CNGA1: variants seen among roughly 807,000 people sequenced by gnomAD.
CNGA1 encodes the protein cyclic nucleotide gated channel subunit alpha 1.
In CNGA1, 53 loss-of-function variants were observed where a neutral mutation model predicts 69.7. That is an observed-to-expected ratio of 0.76 (90% CI 0.61 to 0.96). The LOEUF is 0.96. CNGA1 is among the 40% of genes least tolerant of loss of function. The pLI is 0.00. For missense variants in CNGA1, 739 were observed against 811.2 expected, an observed-to-expected ratio of 0.91 and a Z score of 1.08; for synonymous variants, 249 against 283.5, an observed-to-expected ratio of 0.88 and a Z score of 1.22.
At chr4:47,979,974 T>A (rs1300754116) in intron 3 of CNGA1, among the ~76,000 whole-genome samples, 5 of 152,242 alleles carry the variant, frequency 3.3e-5, no homozygotes, top group Non-Finnish European at 5.9e-5. Context: ...TAACTTTGAC[T>A]GTGGCCTGTA....
intron 3 of CNGA1, among the ~76,000 whole-genome samples, chr4:47,956,116 T>C (rs1295305810): frequency 2.0e-5 from 3 of 152,236 alleles, no homozygotes; most frequent in South Asian, 2.1e-4. Context: ...AGATTCTGGA[T>C]GGCATTTGCG....
chr4:47,981,189 G>C (rs1018546847), intron 3 of CNGA1, among the ~76,000 whole-genome samples: 1 of 152,156 alleles, frequency 6.6e-6, no homozygotes, highest in East Asian at 1.9e-4. Flanking sequence ...GTGATATTCA[G>C]ATTAGCAGAA....
At position 48,016,649 on chromosome 4, in the gene CNGA1, A is replaced by G. The variant is rs960022548; in HGVS notation, c.-389T>C. 6 of 558,472 alleles carry G rather than the reference A, an allele frequency of 1.1e-5. No individual in the cohort carries two copies. Among genetic ancestry groups the G allele is most frequent in the African/African-American group, 1.0e-4 (5 of 49,354 alleles). 34.6% of individuals were successfully genotyped at this position (558,472 alleles called of 1,614,324 possible). A position where few individuals can be genotyped will look rare whatever the true frequency, so the allele number is the denominator to read the frequency against. On this transcript the variant is annotated 5_prime_UTR_variant, in exon 1 of 11. Transcript: ENST00000514170. ...CCTGCGGGGGCCCTGAGAATTCGCA[A>G]CAAGCCCCGGGCAGCAGGGCTCGGC...
chr4:47,953,679 C>A (rs924988202), intron 3 of CNGA1, among the ~76,000 whole-genome samples: 1 of 152,208 alleles, frequency 6.6e-6, no homozygotes, highest in Non-Finnish European at 1.5e-5. Context: ...GCTCCCAGCA[C>A]AGGCCATGCC....
chr4:47,969,094 A>T (rs1332422174), intron 3 of CNGA1, among the ~76,000 whole-genome samples: 3 of 152,158 alleles, frequency 2.0e-5, no homozygotes, highest in Non-Finnish European at 1.5e-5. Context: ...TGTGTAAGGT[A>T]AAGTGGATTA....
intron 3 of CNGA1, among the ~76,000 whole-genome samples, chr4:47,976,696 T>C (rs1485125138): frequency 1.3e-5 from 2 of 152,182 alleles, no homozygotes; most frequent in African/African-American, 2.4e-5. Context: ...TTGCAAACAA[T>C]TTACAGATAG....
chr4:47,962,177 C>T (rs1419841537), intron 3 of CNGA1, among the ~76,000 whole-genome samples: 4 of 152,020 alleles, frequency 2.6e-5, no homozygotes, highest in Admixed American at 2.6e-4. Context: ...AACCCTGTCT[C>T]TACTAAAAAT....
chr4:47,993,740 T>C (rs529925570), intron 2 of CNGA1, among the ~76,000 whole-genome samples: 2 of 152,244 alleles, frequency 1.3e-5, no homozygotes, highest in East Asian at 3.9e-4. Flanking sequence ...TTTGGTTTTT[T>C]TCTTGTTTCT....
intron 3 of CNGA1, among the ~76,000 whole-genome samples, chr4:47,978,341 T>G (rs1298823617): frequency 6.6e-6 from 1 of 152,206 alleles, no homozygotes; most frequent in Non-Finnish European, 1.5e-5. Context: ...AAGGGATGTC[T>G]TCTCATTTAC....
At chr4:48,005,466 AAAT>A (rs1211985368) in intron 2 of CNGA1, among the ~76,000 whole-genome samples, 1 of 152,178 alleles carries the variant, frequency 6.6e-6, no homozygotes, top group Non-Finnish European at 1.5e-5. Context: ...AGTGCAACAA[AAAT>A]AATTTTTTTA....
intron 3 of CNGA1, among the ~76,000 whole-genome samples, chr4:47,979,127 C>G (rs1444268565): frequency 6.6e-6 from 1 of 151,960 alleles, no homozygotes; most frequent in Non-Finnish European, 1.5e-5. Flanking sequence ...TTGAGACCAG[C>G]CTGGGCAACA....
chr4:47,981,955 T>C (rs1194075800), intron 2 of CNGA1, among the ~76,000 whole-genome samples: 1 of 152,214 alleles, frequency 6.6e-6, no homozygotes, highest in Non-Finnish European at 1.5e-5. Context: ...CATTAGTCAT[T>C]GATCTTTTAA....
At position 47,943,400 on chromosome 4, in the gene CNGA1, T is replaced by C. The variant is rs76061451; in HGVS notation, c.300A>G (p.Glu100=). The stretch of plus-strand genomic sequence containing the variant: ...TCTTTTCTTTTTTCTTTTTCTTTTT[T>C]TCTTCTGGTTCCCTAAAGAAAAAAA... The part of the protein sequence containing the change: ...NSSNKDQEPE[E]KKKKKKEKKS... Residue 100 remains glutamate, a synonymous_variant, in exon 7 of 11, where the codon GAA becomes GAG. Transcript: ENST00000514170. 24,043 of 1,493,880 alleles carry C rather than the reference T, an allele frequency of 0.016. 232 individuals are homozygous for C. The highest frequency in any genetic ancestry group is 0.028 in the Middle Eastern group (144 of 5,102). The allele number at this position is 1,493,880 out of a possible 1,614,324, so 92.5% of individuals were successfully genotyped here.
intron 2 of CNGA1, among the ~76,000 whole-genome samples, chr4:47,984,704 A>AAT (rs765391486): frequency 6.7e-6 from 1 of 149,608 alleles, no homozygotes; most frequent in African/African-American, 2.5e-5. Context: ...ATATATATAT[A>AAT]ATATATATAA....
chr4:47,994,174 T>C (rs922073044), intron 2 of CNGA1, among the ~76,000 whole-genome samples: 7 of 152,194 alleles, frequency 4.6e-5, no homozygotes, highest in Admixed American at 3.9e-4. Flanking sequence ...GAATGTTCTG[T>C]ATATATCTGT....
At chr4:48,015,213 C>T (rs116315990) in intron 1 of CNGA1, among the ~76,000 whole-genome samples, 2 of 150,548 alleles carry the variant, frequency 1.3e-5, no homozygotes, top group African/African-American at 4.9e-5. Context: ...AACAAACAAG[C>T]AAACAAAAAG....
intron 2 of CNGA1, among the ~76,000 whole-genome samples, chr4:47,987,454 T>G (rs1353107793): frequency 6.6e-6 from 1 of 152,174 alleles, no homozygotes; most frequent in Admixed American, 6.5e-5. Flanking sequence ...GTAAATGTCA[T>G]GAGATCAGGA....
chr4:47,986,751 A>G (rs1741994527), intron 2 of CNGA1, among the ~76,000 whole-genome samples: 1 of 152,136 alleles, frequency 6.6e-6, no homozygotes, highest in South Asian at 2.1e-4. Context: ...AAATAAAAAA[A>G]AGAGAGAGAG....
rs1464937344 is a variant in CNGA1, at chr4:47,936,940, A to G, written c.1542T>C (p.Ile514=). ...CCACAGCGAGTTTGCCTTCCTTGAT[A>G]ATGTACATCTCTCGTCCGATATCCC... is the stretch of plus-strand genomic sequence containing the variant. ...KKGDIGREMY[I]IKEGKLAVVA... Residue 514 remains isoleucine, a synonymous_variant, in exon 11 of 11, where the codon ATT becomes ATC. Transcript: ENST00000514170. 5 of 1,613,980 alleles carry G rather than the reference A, an allele frequency of 3.1e-6. No individual in the cohort carries two copies. The African/African-American group carries it at 4.0e-5, about 13-fold the overall frequency.
Sources: allele counts gnomAD v4.1 joint callset (sites outside exome capture counted in the v4.1 genomes callset), GRCh38; gene constraint gnomAD v4.1.1; transcripts MANE v1.5; gene names NCBI Gene and HGNC (gene_info 2026-07-23, HGNC 2026-07-21).